The following LARGE1 variants were observed in gnomAD, a reference collection of about 807,000 sequenced individuals.
The protein encoded by LARGE1 is xylosyl- and glucuronyltransferase LARGE1.
In LARGE1, 43 loss-of-function variants were observed where a neutral mutation model predicts 87.6. That is an observed-to-expected ratio of 0.49 (90% CI 0.38 to 0.63). The LOEUF is 0.63. Ranked by LOEUF, LARGE1 falls within the 30% of genes least tolerant of loss-of-function variation. LARGE1 has a pLI of 0.00. For synonymous variants in LARGE1, 434 were observed against 394.6 expected (o/e 1.10, Z -1.18); for missense variants, 802 against 1,000.2 (o/e 0.80, Z 2.67).
intron 11 of LARGE1, among the ~76,000 whole-genome samples, chr22:33,193,553 T>C (rs1490441793): frequency 1.3e-5 from 2 of 152,178 alleles, no homozygotes; most frequent in African/African-American, 4.8e-5. Flanking sequence ...GGCTCATGCC[T>C]GTAATCCCAG....
the LARGE1 span, among the ~76,000 whole-genome samples, chr22:33,136,716 A>T: frequency 6.6e-6 from 1 of 152,296 alleles, no homozygotes. Flanking sequence ...AAGCCTTAAG[A>T]TGCAATTAGT....
chr22:33,565,080 C>A (rs2077983421), intron 5 of LARGE1, 61 bp from the exon 6 acceptor site: 1 of 1,491,548 alleles, frequency 6.7e-7, no homozygotes, highest in Admixed American at 1.7e-5. Context: ...TATATTAATT[C>A]TTTGCTTAAA....
At chr22:33,852,175 G>A (rs1352847037) in intron 1 of LARGE1, among the ~76,000 whole-genome samples, 1 of 152,114 alleles carries the variant, frequency 6.6e-6, no homozygotes, top group Non-Finnish European at 1.5e-5. Flanking sequence ...ACCTGTTTGT[G>A]GTATTTACTT....
intron 14 of LARGE1, among the ~76,000 whole-genome samples, chr22:33,276,198 G>T (rs1216015915): frequency 1.3e-5 from 2 of 148,400 alleles, no homozygotes; most frequent in African/African-American, 5.0e-5. Context: ...TCTTGGAGAA[G>T]AGCATACAAA....
At chr22:33,686,827 T>C (rs2081959241) in intron 2 of LARGE1, among the ~76,000 whole-genome samples, 1 of 152,188 alleles carries the variant, frequency 6.6e-6, no homozygotes, top group Non-Finnish European at 1.5e-5. Flanking sequence ...ATATAGGATG[T>C]TCAATTATGT....
Position 33,626,311 on chromosome 22 carries a change from T to G in LARGE1, c.424A>C (p.Ile142Leu), listed in dbSNP as rs199906790. Residue 142 changes from isoleucine (I) to leucine (L), a missense_variant, in exon 4 of 15, where the codon ATT becomes CTT. This residue lies in a region of LARGE1 where 625 missense variants were observed against 841.9 expected (regional missense o/e 0.74). Coordinates refer to ENST00000397394, the MANE Select transcript of LARGE1 (RefSeq NM_133642.5). ...CTGGCATTGTATCCGGCGCAGACAA[T>G]AGCAACGTGGATTGTCTGGGAAGAA... Reference protein sequence around the residue: ...VEKCETIHVAIVCAGYNASRD... With the variant: ...VEKCETIHVALVCAGYNASRD... 4 of 1,613,764 alleles carry G rather than the reference T, an allele frequency of 2.5e-6. No individual in the cohort carries two copies. Among genetic ancestry groups the G allele is most frequent in the Non-Finnish European group, 2.5e-6 (3 of 1,179,902 alleles).
chr22:33,461,122 G>A (rs1385480116), intron 6 of LARGE1, among the ~76,000 whole-genome samples: 2 of 152,128 alleles, frequency 1.3e-5, no homozygotes, highest in African/African-American at 4.8e-5. Flanking sequence ...ATCATGTACA[G>A]AACATAAGGA....
chr22:33,119,827 C>T, the LARGE1 span, among the ~76,000 whole-genome samples: 2 of 152,078 alleles, frequency 1.3e-5, no homozygotes, highest in Admixed American at 6.5e-5. Context: ...ATGCAGTGAC[C>T]TGTAATGCTG....
chr22:33,154,140 T>C, the LARGE1 span, among the ~76,000 whole-genome samples: 1 of 151,452 alleles, frequency 6.6e-6, no homozygotes, highest in African/African-American at 2.4e-5. Flanking sequence ...TAATCTCTAA[T>C]GGCCAGACTT....
chr22:33,105,037 A>C, the LARGE1 span, among the ~76,000 whole-genome samples: 1 of 147,150 alleles, frequency 6.8e-6, no homozygotes, highest in East Asian at 2.0e-4. Flanking sequence ...TTGCTCTGTC[A>C]CCCAGGCTGG....
intron 12 of LARGE1, among the ~76,000 whole-genome samples, chr22:33,290,095 G>A (rs535194567): frequency 1.3e-5 from 2 of 152,198 alleles, no homozygotes; most frequent in East Asian, 1.9e-4. Flanking sequence ...CTGGTGCTAC[G>A]GTGGCATGGA....
chr22:33,633,714 A>G (rs2080178418), intron 3 of LARGE1, among the ~76,000 whole-genome samples: 1 of 152,232 alleles, frequency 6.6e-6, no homozygotes, highest in Non-Finnish European at 1.5e-5. Flanking sequence ...CAACTTGGGC[A>G]TCAGGTGTGC....
At chr22:33,895,142 T>A (rs2065104682) in intron 1 of LARGE1, among the ~76,000 whole-genome samples, 1 of 152,214 alleles carries the variant, frequency 6.6e-6, no homozygotes, top group East Asian at 1.9e-4. Context: ...GGTCTCTGGA[T>A]GGGACACACA....
intron 10 of LARGE1, among the ~76,000 whole-genome samples, chr22:33,334,715 G>C (rs1307077363): frequency 1.3e-5 from 2 of 152,206 alleles, no homozygotes; most frequent in Non-Finnish European, 2.9e-5. Context: ...CTTAGAGCAG[G>C]CTGCTTTCTC....
intron 11 of LARGE1, among the ~76,000 whole-genome samples, chr22:33,245,404 C>T (rs1252223619): frequency 1.3e-5 from 2 of 152,184 alleles, no homozygotes; most frequent in African/African-American, 4.8e-5. Context: ...ATTCAACAAG[C>T]AAAGTGCCTT....
chr22:33,657,754 G>C (rs1051639995), intron 2 of LARGE1, among the ~76,000 whole-genome samples: 36 of 152,022 alleles, frequency 2.4e-4, no homozygotes, highest in African/African-American at 8.2e-4. Context: ...TTTCCACCAC[G>C]TTTGCAGTCT....
chr22:33,471,504 T>C (rs1226572304), intron 6 of LARGE1, among the ~76,000 whole-genome samples: 4 of 152,236 alleles, frequency 2.6e-5, no homozygotes, highest in Non-Finnish European at 5.9e-5. Context: ...TAATTTCTTA[T>C]GGTCTCTTCT....
At chr22:33,515,988 TC>T (rs2148473138) in intron 6 of LARGE1, among the ~76,000 whole-genome samples, 1 of 152,324 alleles carries the variant, frequency 6.6e-6, no homozygotes, top group East Asian at 1.9e-4. Context: ...CGCCACCGTG[TC>T]CAGGCCCTCT....
At chr22:33,470,176 C>A (rs1473046374) in intron 6 of LARGE1, among the ~76,000 whole-genome samples, 1 of 152,084 alleles carries the variant, frequency 6.6e-6, no homozygotes, top group Non-Finnish European at 1.5e-5. Flanking sequence ...AGGCATGAGC[C>A]ACTGGGCCTG....
Sources: allele counts gnomAD v4.1 joint callset (sites outside exome capture counted in the v4.1 genomes callset), GRCh38; gene constraint gnomAD v4.1.1; regional missense constraint gnomAD v4.1.1; transcripts MANE v1.5; gene names NCBI Gene and HGNC (gene_info 2026-07-23, HGNC 2026-07-21).